KBTBD13: variants seen among roughly 807,000 people sequenced by gnomAD.
The protein encoded by KBTBD13 is kelch repeat and BTB domain-containing protein 13.
KBTBD13 carries 32 observed loss-of-function variants against 25.4 expected under a neutral mutation model. The observed-to-expected ratio is 1.26, with a 90% CI of 0.95 to 1.69. The LOEUF (loss-of-function observed/expected upper bound fraction) is 1.69. Among genes scored for constraint, KBTBD13 ranks in the 40% most tolerant of loss-of-function variants. The pLI is 0.00. For synonymous variants in KBTBD13, 436 were observed against 329.8 expected (o/e 1.32, Z -3.49); for missense variants, 898 against 679.5 (o/e 1.32, Z -3.57).
chr15:65,077,504 G>A lies in KBTBD13; in HGVS notation c.689G>A (p.Cys230Tyr). 2.0e-6 allele frequency: 3 copies of A among 1,523,744 alleles called. No individual in the cohort carries two copies. In the South Asian group the frequency reaches 3.6e-5, roughly 18 times the overall value. The allele number at this position is 1,523,744 out of a possible 1,614,324, so 94.4% of individuals were successfully genotyped here. A position where few individuals can be genotyped will look rare whatever the true frequency, so the allele number is the denominator to read the frequency against. Residue 230 changes from cysteine (C) to tyrosine (Y), a missense_variant, in exon 1 of 1, where the codon TGC (cysteine) becomes TAC (tyrosine). By Grantham distance (194) the Cys-to-Tyr change is radical (BLOSUM62 -2). Coordinates refer to ENST00000432196, the MANE Select transcript of KBTBD13 (RefSeq NM_001101362.3). Reference protein sequence around the residue: ...ASKEVVELGFCYDPDGGTWHE... With the variant: ...ASKEVVELGFYYDPDGGTWHE... ...AAGGAGGTGGTAGAGCTGGGCTTCTGCTACGACCCCGACGGCGGCACGTGG... is the reference window on the plus strand; with the variant it reads ...AAGGAGGTGGTAGAGCTGGGCTTCTACTACGACCCCGACGGCGGCACGTGG...
chr15:65,077,227 G>A lies in KBTBD13; in HGVS notation c.412G>A (p.Ala138Thr), dbSNP rs1338140080. ...FICDGERELA[A>T]ELALPEARAY... ...CTGCGACGGCGAGCGCGAGCTGGCG[G>A]CCGAACTGGCGCTGCCTGAGGCCCG... Residue 138 changes from alanine (A) to threonine (T), a missense_variant, in exon 1 of 1, where the codon GCC (alanine) becomes ACC (threonine). Coordinates refer to ENST00000432196, the MANE Select transcript of KBTBD13 (RefSeq NM_001101362.3). 6 of 1,441,414 alleles carry A rather than the reference G, an allele frequency of 4.2e-6. No individual in the cohort carries two copies. The highest frequency in any genetic ancestry group is 5.5e-6 in the Non-Finnish European group (6 of 1,098,840). The allele number at this position is 1,441,414 out of a possible 1,614,324, so 89.3% of individuals were successfully genotyped here. A position where few individuals can be genotyped will look rare whatever the true frequency, so the allele number is the denominator to read the frequency against.
chr15:65,077,083 G>C lies in KBTBD13; in HGVS notation c.268G>C (p.Ala90Pro). 1 of 1,515,870 alleles carries C rather than the reference G, an allele frequency of 6.6e-7. No homozygotes were observed. The highest frequency in any genetic ancestry group is 8.8e-7 in the Non-Finnish European group (1 of 1,134,176). The allele number at this position is 1,515,870 out of a possible 1,614,324, so 93.9% of individuals were successfully genotyped here. The change falls in exon 1 of 1, where the codon GCG becomes CCG. Residue 90 changes from alanine (A) to proline (P), a missense_variant. Transcript: ENST00000432196. ...CGTGGAGTGCGCCGCCTTCCTCCAG[G>C]CGCCGGCGCTGGCTCGCTTTCTGGA... ...QAVECAAFLQ[A>P]PALARFLEHN... is the part of the protein sequence containing the mutation.
rs957272256 is a variant in KBTBD13 at position 65,078,774 on chromosome 15, T to C, written c.*582T>C. 6.6e-6 allele frequency among the ~76,000 whole-genome samples: 1 copy of C among 151,502 alleles called. No homozygotes were observed. The highest frequency in any genetic ancestry group is 1.5e-5 in the Non-Finnish European group (1 of 67,892). On this transcript the variant is annotated 3_prime_UTR_variant, in exon 1 of 1. Transcript: ENST00000432196. Reference sequence around the variant, plus strand: ...TGAAGAAATCAGGGCAAAGGGAAAATAGGAAGAGAAAAAATATATAACTCC... The same window carrying C: ...TGAAGAAATCAGGGCAAAGGGAAAACAGGAAGAGAAAAAATATATAACTCC...
rs900986909 is a variant in KBTBD13, at chr15:65,078,270, A to C, written c.*78A>C. ...TGGCTGAGTGTGTGAGGCCGGCCTT[A>C]GAAGTAGCTGGCAACTTCCCTCTTT... On this transcript the variant is annotated 3_prime_UTR_variant, in exon 1 of 1. Transcript: ENST00000432196. 6.8e-7 allele frequency: 1 copy of C among 1,480,424 alleles called. No homozygotes were observed. Among genetic ancestry groups the C allele is most frequent in the Non-Finnish European group, 8.9e-7 (1 of 1,118,566 alleles). 91.7% of individuals were successfully genotyped at this position (1,480,424 alleles called of 1,614,324 possible). A position where few individuals can be genotyped will look rare whatever the true frequency, so the allele number is the denominator to read the frequency against.
chr15:65,078,049 C>T lies in KBTBD13; in HGVS notation c.1234C>T (p.Leu412=), dbSNP rs1306597392. 3.1e-6 allele frequency: 5 copies of T among 1,602,028 alleles called. No homozygotes were observed. In the African/African-American group the frequency reaches 6.7e-5, roughly 21 times the overall value. Residue 412 remains leucine, a synonymous_variant, in exon 1 of 1, where the codon CTG becomes TTG. Transcript: ENST00000432196. ...CTATACGGTCAACCGCATGTTCACG[C>T]TGCTCTACGCCATCGAGGGCGGCAC... ...TVYTVNRMFT[L]LYAIEGGTWR... is the part of the protein sequence containing the mutation.
Position 65,077,853 on chromosome 15 carries a change from G to A in KBTBD13, c.1038G>A (p.Met346Ile), listed in dbSNP as rs770377239. The change falls in exon 1 of 1, where the codon ATG becomes ATA. Residue 346 changes from methionine to isoleucine, a missense_variant. Transcript: ENST00000432196. ...GTCCGCAGAGCTATGGCCACTGCAT[G>A]GTGGCCCACCGCGACAGCCTCTATG... ...LRRPQSYGHC[M>I]VAHRDSLYVV... 6.2e-7 allele frequency: 1 copy of A among 1,610,836 alleles called. No individual in the cohort carries two copies. Among genetic ancestry groups the A allele is most frequent in the African/African-American group, 1.3e-5 (1 of 75,052 alleles).
Position 65,077,189 on chromosome 15 carries a change from C to T in KBTBD13, c.374C>T (p.Ala125Val), listed in dbSNP as rs575149903. The T allele has an allele frequency of 1.4e-6, 2 of 1,480,436 alleles. No homozygotes were observed. Among genetic ancestry groups the T allele is most frequent in the East Asian group, 2.7e-5 (1 of 36,884 alleles). The allele number at this position is 1,480,436 out of a possible 1,614,324, so 91.7% of individuals were successfully genotyped here. Residue 125 changes from alanine to valine, a missense_variant, in exon 1 of 1, where the codon GCC becomes GTC. Ala to Val is a moderately conservative substitution (Grantham distance 64). Transcript: ENST00000432196. ...AFGLRDVFHS[A>V]ALFICDGERE... ...GGCCTGCGCGACGTGTTCCACAGTGCCGCGCTCTTCATCTGCGACGGCGAG... is the reference window on the plus strand; with the variant it reads ...GGCCTGCGCGACGTGTTCCACAGTGTCGCGCTCTTCATCTGCGACGGCGAG...
In KBTBD13 at chr15:65,077,315, C is replaced by A. The variant is rs770989787; in HGVS notation, c.500C>A (p.Pro167His). The A allele has an allele frequency of 1.4e-6, 2 of 1,424,916 alleles. No homozygotes were observed. Among genetic ancestry groups the A allele is most frequent in the South Asian group, 2.9e-5 (2 of 68,408 alleles). 88.3% of individuals were successfully genotyped at this position (1,424,916 alleles called of 1,614,324 possible). Reference sequence around the variant, plus strand: ...GCCGTGAGCACGCACACGCCCGCGCCCGGCTTCCTGGAGGACGCCTCGCGC... The same window carrying A: ...GCCGTGAGCACGCACACGCCCGCGCACGGCTTCCTGGAGGACGCCTCGCGC... The part of the protein sequence containing the change: ...YAAVSTHTPA[P>H]GFLEDASRTL... The change falls in exon 1 of 1, where the codon CCC becomes CAC. Residue 167 changes from proline (P) to histidine (H), a missense_variant. Physicochemically the swap from Pro to His is moderately conservative, Grantham distance 77. Transcript: ENST00000432196.
At position 65,078,314 on chromosome 15, in the gene KBTBD13, T is replaced by C. The variant is rs12901617; in HGVS notation, c.*122T>C. 0.48 allele frequency: 657,060 copies of C among 1,369,638 alleles called. 161,140 individuals carry two copies. The highest frequency in any genetic ancestry group is 0.58 in the South Asian group (38,984 of 67,388). 84.8% of individuals were successfully genotyped at this position (1,369,638 alleles called of 1,614,324 possible). A position where few individuals can be genotyped will look rare whatever the true frequency, so the allele number is the denominator to read the frequency against. On this transcript the variant is annotated 3_prime_UTR_variant, in exon 1 of 1. Transcript: ENST00000432196. ...CCTCTTTCTACTGAGACACCCAGGT[T>C]TGGTGCCTTCTGGTGGTGTGGACAT... is the stretch of plus-strand genomic sequence containing the variant.
rs2087012992 is a variant in KBTBD13, at chr15:65,078,617, T to C, written c.*425T>C. The stretch of plus-strand genomic sequence containing the variant: ...TTGCCACACAGGGATCCAGGAAGCT[T>C]AAAGGATAACCCAGAAAACAATCTT... On this transcript the variant is annotated 3_prime_UTR_variant, in exon 1 of 1. Coordinates refer to ENST00000432196, the MANE Select transcript of KBTBD13 (RefSeq NM_001101362.3). 6.6e-6 allele frequency among the ~76,000 whole-genome samples: 1 copy of C among 152,076 alleles called. No homozygotes were observed. Among genetic ancestry groups the C allele is most frequent in the South Asian group, 2.1e-4 (1 of 4,826 alleles).
In KBTBD13 at chr15:65,078,274, GT is replaced by G; in HGVS notation, c.*83del. ...TGAGTGTGTGAGGCCGGCCTTAGAAGTAGCTGGCAACTTCCCTCTTTCTACT... is the reference window on the plus strand; with the variant it reads ...TGAGTGTGTGAGGCCGGCCTTAGAAGAGCTGGCAACTTCCCTCTTTCTACT... On this transcript the variant is annotated 3_prime_UTR_variant, in exon 1 of 1. Coordinates refer to ENST00000432196, the MANE Select transcript of KBTBD13 (RefSeq NM_001101362.3). 6.8e-7 allele frequency: 1 copy of G among 1,475,272 alleles called. No homozygotes were observed. Among genetic ancestry groups the G allele is most frequent in the Non-Finnish European group, 9.0e-7 (1 of 1,115,934 alleles). 91.4% of individuals were successfully genotyped at this position (1,475,272 alleles called of 1,614,324 possible).
At position 65,077,745 on chromosome 15, in the gene KBTBD13, C is replaced by G; in HGVS notation, c.930C>G (p.Cys310Trp). The G allele has an allele frequency of 6.3e-7, 1 of 1,577,486 alleles. No individual in the cohort carries two copies. The highest frequency in any genetic ancestry group is 8.6e-7 in the Non-Finnish European group (1 of 1,167,970). ...AGGCTTGTGGCCGTCTCTTCGTGTG[C>G]CTGTGGCGGCCGGCCGACACCACCG... ...CAQACGRLFV[C>W]LWRPADTTAV... The change falls in exon 1 of 1, where the codon TGC (cysteine) becomes TGG (tryptophan). Residue 310 changes from cysteine (C) to tryptophan (W), a missense_variant. Cys to Trp is a radical substitution (Grantham distance 215, BLOSUM62 -2). Transcript: ENST00000432196.
rs767222138 is a variant in KBTBD13 at position 65,077,697 on chromosome 15, G to A, written c.882G>A (p.Pro294=). 53 of 1,577,400 alleles carry A rather than the reference G, an allele frequency of 3.4e-5. 1 individual carries two copies. In the African/African-American group the frequency reaches 4.3e-4, roughly 13 times the overall value. The part of the protein sequence containing the change: ...CWSFVADLPQ[P]AAGVPCAQAC... Reference sequence around the variant, plus strand: ...GTTTCGTGGCCGACCTGCCGCAGCCGGCCGCCGGCGTGCCCTGCGCCCAGG... The same window carrying A: ...GTTTCGTGGCCGACCTGCCGCAGCCAGCCGCCGGCGTGCCCTGCGCCCAGG... Residue 294 remains proline, a synonymous_variant, in exon 1 of 1, where the codon CCG becomes CCA. Transcript: ENST00000432196.
chr15:65,077,937 G>C lies in KBTBD13; in HGVS notation c.1122G>C (p.Leu374=), dbSNP rs780293471. ...ACTGCGCCATCGACTGTCTCAACCT[G>C]GCCACGGGCCAGTGGACGGCGCTGC... The part of the protein sequence containing the change: ...FLHCAIDCLN[L]ATGQWTALPG... Residue 374 remains leucine (L), a synonymous_variant, in exon 1 of 1, where the codon CTG becomes CTC. Coordinates refer to ENST00000432196, the MANE Select transcript of KBTBD13 (RefSeq NM_001101362.3). The C allele has an allele frequency of 3.1e-6, 5 of 1,611,822 alleles. No homozygotes were observed. The highest frequency in any genetic ancestry group is 4.2e-6 in the Non-Finnish European group (5 of 1,179,800).
rs2087007937 is a variant in KBTBD13 at position 65,078,125 on chromosome 15, A to G, written c.1310A>G (p.Gln437Arg). ...GGCTTCCCGCGGCCCGGCTCCTTGC[A>G]GACCTTTCTCCTAAGGCTGCCTCCT... The part of the protein sequence containing the change: ...KAGFPRPGSL[Q>R]TFLLRLPPGA... Residue 437 changes from glutamine to arginine, a missense_variant, in exon 1 of 1, where the codon CAG becomes CGG. Transcript: ENST00000432196. 4 of 1,562,772 alleles carry G rather than the reference A, an allele frequency of 2.6e-6. No homozygotes were observed. Among genetic ancestry groups the G allele is most frequent in the Non-Finnish European group, 3.4e-6 (4 of 1,159,976 alleles).
In KBTBD13 at chr15:65,077,157, C is replaced by A. The variant is rs538410855; in HGVS notation, c.342C>A (p.Ala114=). The change falls in exon 1 of 1, where the codon GCC becomes GCA. Residue 114 remains alanine, a synonymous_variant. Coordinates refer to ENST00000432196, the MANE Select transcript of KBTBD13 (RefSeq NM_001101362.3). ...DNCALLCDAA[A]AFGLRDVFHS... is the part of the protein sequence containing the mutation. ...GCGCATTGCTGTGCGACGCGGCCGCCGCCTTCGGCCTGCGCGACGTGTTCC... is the reference window on the plus strand; with the variant it reads ...GCGCATTGCTGTGCGACGCGGCCGCAGCCTTCGGCCTGCGCGACGTGTTCC... 5.2e-5 allele frequency: 79 copies of A among 1,509,674 alleles called. 2 individuals are homozygous for A. In the South Asian group the frequency reaches 9.1e-4, roughly 17 times the overall value. 93.5% of individuals were successfully genotyped at this position (1,509,674 alleles called of 1,614,324 possible). A position where few individuals can be genotyped will look rare whatever the true frequency, so the allele number is the denominator to read the frequency against.
chr15:65,077,385 G>T lies in KBTBD13; in HGVS notation c.570G>T (p.Leu190=). Residue 190 remains leucine, a synonymous_variant, in exon 1 of 1, where the codon CTG becomes CTT. Transcript: ENST00000432196. ...LDEEEDAWRT[L]AALPLEASTL... Reference sequence around the variant, plus strand: ...AGGAAGAGGACGCGTGGCGCACGCTGGCTGCGCTGCCCCTGGAGGCCAGCA... The same window carrying T: ...AGGAAGAGGACGCGTGGCGCACGCTTGCTGCGCTGCCCCTGGAGGCCAGCA... The T allele has an allele frequency of 2.6e-6, 4 of 1,517,270 alleles. No individual in the cohort carries two copies. Among genetic ancestry groups the T allele is most frequent in the Non-Finnish European group, 3.5e-6 (4 of 1,134,832 alleles). The allele number at this position is 1,517,270 out of a possible 1,614,324, so 94.0% of individuals were successfully genotyped here. A position where few individuals can be genotyped will look rare whatever the true frequency, so the allele number is the denominator to read the frequency against.
At position 65,076,823 on chromosome 15, in the gene KBTBD13, G is replaced by A. The variant is rs759494469; in HGVS notation, c.8G>A (p.Arg3Gln). MA[R>Q]GPQTLVQVWV... The stretch of plus-strand genomic sequence containing the variant: ...CCGCCCGGCCAGCTCGCCATGGCAC[G>A]GGGTCCACAGACCCTGGTGCAGGTG... The change falls in exon 1 of 1, where the codon CGG (arginine) becomes CAG (glutamine). Residue 3 changes from arginine to glutamine, a missense_variant. By Grantham distance (43) the Arg-to-Gln change is conservative (BLOSUM62 1). Coordinates refer to ENST00000432196, the MANE Select transcript of KBTBD13 (RefSeq NM_001101362.3). 2.0e-6 allele frequency: 3 copies of A among 1,533,304 alleles called. No homozygotes were observed. Among genetic ancestry groups the A allele is most frequent in the South Asian group, 1.2e-5 (1 of 83,904 alleles). 95.0% of individuals were successfully genotyped at this position (1,533,304 alleles called of 1,614,324 possible).
chr15:65,077,849 G>A lies in KBTBD13; in HGVS notation c.1034G>A (p.Cys345Tyr), dbSNP rs761666635. 1.2e-6 allele frequency: 2 copies of A among 1,610,528 alleles called. No homozygotes were observed. The highest frequency in any genetic ancestry group is 2.2e-5 in the South Asian group (2 of 91,006). The change falls in exon 1 of 1, where the codon TGC becomes TAC. Residue 345 changes from cysteine (C) to tyrosine (Y), a missense_variant. Coordinates refer to ENST00000432196, the MANE Select transcript of KBTBD13 (RefSeq NM_001101362.3). The stretch of plus-strand genomic sequence containing the variant: ...CGGCGTCCGCAGAGCTATGGCCACT[G>A]CATGGTGGCCCACCGCGACAGCCTC... ...ELRRPQSYGH[C>Y]MVAHRDSLYV...
Sources: gnomAD v4.1 joint callset for allele counts (sites outside exome capture counted in the v4.1 genomes callset) on GRCh38, gnomAD v4.1.1 for gene constraint, MANE v1.5 for transcripts, NCBI Gene and HGNC (gene_info 2026-07-23, HGNC 2026-07-21) for gene names.